The following C16orf87 variants were observed in gnomAD, a reference collection of about 807,000 sequenced individuals.
C16orf87 encodes the protein HDAC and MIER1 interacting protein 1.
C16orf87 carries 13 observed loss-of-function variants against 21.0 expected under a neutral mutation model. The ratio of observed to expected loss-of-function variants is 0.62; its 90% CI spans 0.40 to 0.98. The LOEUF (loss-of-function observed/expected upper bound fraction) is 0.98. C16orf87 is among the 50% of genes least tolerant of loss of function. The pLI is 0.00. For synonymous variants in C16orf87, 49 were observed against 60.2 expected, an observed-to-expected ratio of 0.81 and a Z score of 0.86; for missense variants, 113 against 180.4, an observed-to-expected ratio of 0.63 and a Z score of 2.14.
intron 1 of C16orf87, among the ~76,000 whole-genome samples, chr16:46,827,545 T>C (rs1959663553): frequency 6.6e-6 from 1 of 152,210 alleles, no homozygotes; most frequent in Admixed American, 6.5e-5. Flanking sequence ...TTAGGTTGTT[T>C]GTATGTTTTA....
chr16:46,830,728 C>G (rs1298648971), intron 1 of C16orf87: 4 of 203,802 alleles, frequency 2.0e-5, no homozygotes, highest in Non-Finnish European at 3.9e-5. Context: ...ACACTCTCGC[C>G]GGGGCTGCGG....
intron 2 of C16orf87, among the ~76,000 whole-genome samples, chr16:46,816,574 G>A (rs543887935): frequency 3.3e-5 from 5 of 152,120 alleles, no homozygotes; most frequent in Non-Finnish European, 7.4e-5. Context: ...AAAAGAGAAT[G>A]TGACAGAAAG....
intron 1 of C16orf87, among the ~76,000 whole-genome samples, chr16:46,825,766 T>C (rs190839786): frequency 3.3e-5 from 5 of 151,948 alleles, no homozygotes; most frequent in African/African-American, 9.7e-5. Context: ...AATACAAAAT[T>C]AGCCAGGCGT....
At chr16:46,815,637 C>A (rs1968218331) in intron 2 of C16orf87, among the ~76,000 whole-genome samples, 1 of 152,026 alleles carries the variant, frequency 6.6e-6, no homozygotes, top group Non-Finnish European at 1.5e-5. Context: ...TAAGCACATG[C>A]AAAGATGTTC....
intron 1 of C16orf87, among the ~76,000 whole-genome samples, chr16:46,830,457 A>G (rs888783523): frequency 5.9e-5 from 9 of 152,250 alleles, no homozygotes; most frequent in African/African-American, 2.2e-4. Context: ...ATCATGACCC[A>G]TTAAAAACGA....
chr16:46,809,119 G>A (rs144143632), intron 3 of C16orf87, among the ~76,000 whole-genome samples: 1 of 151,080 alleles, frequency 6.6e-6, no homozygotes, highest in African/African-American at 2.4e-5. Context: ...GCAACATGGT[G>A]AAACCCCCCT....
At chr16:46,806,234 T>C (rs1967923199) in intron 3 of C16orf87, among the ~76,000 whole-genome samples, 2 of 152,118 alleles carry the variant, frequency 1.3e-5, no homozygotes, top group African/African-American at 4.8e-5. Context: ...ATCCACAATC[T>C]TCAGCTTGAA....
At chr16:46,830,764 G>A in intron 1 of C16orf87, 2 of 245,472 alleles carry the variant, frequency 8.1e-6, no homozygotes, top group Non-Finnish European at 7.8e-6. Context: ...CGCTGTCACC[G>A]CCGCCGGCGA....
chr16:46,812,582 C>CA (rs1294123347), intron 2 of C16orf87, among the ~76,000 whole-genome samples: 3 of 151,898 alleles, frequency 2.0e-5, no homozygotes, highest in Non-Finnish European at 2.9e-5. Context: ...TAGAATTTCT[C>CA]AAAAAAATAA....
chr16:46,817,101 T>C (rs1968271146), intron 2 of C16orf87, among the ~76,000 whole-genome samples: 1 of 152,044 alleles, frequency 6.6e-6, no homozygotes, highest in Non-Finnish European at 1.5e-5. Context: ...CATGATCCTA[T>C]AGGCATGCCA....
chr16:46,809,752 T>C lies in C16orf87; in HGVS notation c.197A>G (p.Glu66Gly), dbSNP rs1294806880. Reference sequence around the variant, plus strand: ...ATTTATCTTCTCTCTCCTAACTCTCTCTGTTCGCCTCCTCTTGGCCTCATG... The same window carrying C: ...ATTTATCTTCTCTCTCCTAACTCTCCCTGTTCGCCTCCTCTTGGCCTCATG... ...NKHEAKRRRTERVRREKINST... is the reference protein window; with the variant it reads ...NKHEAKRRRTGRVRREKINST... The change falls in exon 3 of 4, where the codon GAG (glutamate) becomes GGG (glycine). Residue 66 changes from glutamate (E) to glycine (G), a missense_variant. By Grantham distance (98) the Glu-to-Gly change is moderately conservative. Transcript: ENST00000285697. 2.5e-6 allele frequency: 4 copies of C among 1,609,532 alleles called. No individual in the cohort carries two copies. The highest frequency in any genetic ancestry group is 2.7e-5 in the African/African-American group (2 of 74,808).
intron 1 of C16orf87, 96 bp downstream of exon 1, chr16:46,830,988 C>G (rs1468446727): frequency 4.2e-6 from 4 of 957,788 alleles, no homozygotes. Flanking sequence ...GATCTGCCCA[C>G]CGCTCGGCCT....
chr16:46,817,461 C>A (rs1596818178), intron 2 of C16orf87, among the ~76,000 whole-genome samples: 1 of 152,118 alleles, frequency 6.6e-6, no homozygotes, highest in South Asian at 2.1e-4. Context: ...CAGAGGCGGG[C>A]AGCTCCACCT....
In C16orf87 at chr16:46,798,811, G is replaced by T. The variant is rs1386570253; in HGVS notation, c.*4141C>A. 2.6e-5 allele frequency: 4 copies of T among 151,626 alleles called. No homozygotes were observed. Among genetic ancestry groups the T allele is most frequent in the South Asian group, 2.1e-4 (1 of 4,806 alleles). The allele number at this position is 151,626 out of a possible 1,614,324, so 9.4% of individuals were successfully genotyped here. A position where few individuals can be genotyped will look rare whatever the true frequency, so the allele number is the denominator to read the frequency against. On this transcript the variant is annotated 3_prime_UTR_variant, in exon 4 of 4. Transcript: ENST00000285697. ...TGAACATTCTAAAGGGGAGAAAAAA[G>T]GTCCTATCAATTATGCAGAAAAAGC...
intron 2 of C16orf87, among the ~76,000 whole-genome samples, 191 bp downstream of exon 2, chr16:46,824,195 G>T (rs1959527825): frequency 6.6e-6 from 1 of 152,126 alleles, no homozygotes; most frequent in Non-Finnish European, 1.5e-5. Flanking sequence ...AGCATTGTAA[G>T]GGACTTAACA....
At chr16:46,819,697 G>A (rs1051264192) in intron 2 of C16orf87, among the ~76,000 whole-genome samples, 3 of 151,834 alleles carry the variant, frequency 2.0e-5, no homozygotes, top group South Asian at 2.1e-4. Context: ...CAATTCCACC[G>A]GGCGCAGTGG....
intron 1 of C16orf87, among the ~76,000 whole-genome samples, chr16:46,828,198 G>C (rs1006160541): frequency 6.6e-6 from 1 of 152,090 alleles, no homozygotes; most frequent in African/African-American, 2.4e-5. Context: ...AAAGTACTGG[G>C]ATTACAGGTG....
At position 46,802,279 on chromosome 16, in the gene C16orf87, T is replaced by C. The variant is rs1430180034; in HGVS notation, c.*673A>G. 1 of 152,372 alleles carries C rather than the reference T, an allele frequency of 6.6e-6. No homozygotes were observed. The highest frequency in any genetic ancestry group is 1.5e-5 in the Non-Finnish European group (1 of 67,950). 9.4% of individuals were successfully genotyped at this position (152,372 alleles called of 1,614,324 possible). On this transcript the variant is annotated 3_prime_UTR_variant, in exon 4 of 4. Coordinates refer to ENST00000285697, the MANE Select transcript of C16orf87 (RefSeq NM_001001436.4). ...AAATTACATTCAAGAAAACAAGGTGTTTATATCTGAGTATATCATTAAATG... is the reference window on the plus strand; with the variant it reads ...AAATTACATTCAAGAAAACAAGGTGCTTATATCTGAGTATATCATTAAATG...
chr16:46,816,038 G>T (rs1968228890), intron 2 of C16orf87, among the ~76,000 whole-genome samples: 1 of 152,108 alleles, frequency 6.6e-6, no homozygotes, highest in Admixed American at 6.6e-5. Flanking sequence ...TACATACAAT[G>T]GAATATTATT....
Sources: allele counts gnomAD v4.1 joint callset (sites outside exome capture counted in the v4.1 genomes callset), GRCh38; gene constraint gnomAD v4.1.1; transcripts MANE v1.5; gene names NCBI Gene and HGNC (gene_info 2026-07-23, HGNC 2026-07-21).